The following MARCHF1 variants were observed in gnomAD, a reference collection of about 807,000 sequenced individuals.
MARCHF1 encodes the protein membrane associated ring-CH-type finger 1.
A neutral mutation model predicts 54.2 loss-of-function variants in MARCHF1; 40 were observed. The observed-to-expected ratio is 0.74, with a 90% CI of 0.57 to 0.96. The LOEUF is 0.96. Among genes scored for constraint, MARCHF1 ranks in the 40% least tolerant of loss-of-function variants. The pLI, the probability that MARCHF1 is intolerant of heterozygous loss-of-function variation, is 0.00. For missense variants in MARCHF1, 586 were observed against 656.5 expected, an observed-to-expected ratio of 0.89 and a Z score of 1.17; for synonymous variants, 236 against 236.3, an observed-to-expected ratio of 1.00 and a Z score of 0.01.
chr4:164,197,826 C>G, intron 1 of MARCHF1: 1 of 1,507,920 alleles, frequency 6.6e-7, no homozygotes, highest in Non-Finnish European at 8.8e-7. Flanking sequence ...CCGCTCGGTT[C>G]TCGAGCCCCA....
chr4:163,821,443 T>A (rs1274760591), intron 4 of MARCHF1, among the ~76,000 whole-genome samples: 1 of 151,972 alleles, frequency 6.6e-6, no homozygotes, highest in Admixed American at 6.6e-5. Context: ...CAGTAAATAT[T>A]TGTAAAACAT....
At chr4:163,592,487 G>T (rs1740623363) in intron 7 of MARCHF1, among the ~76,000 whole-genome samples, 1 of 151,514 alleles carries the variant, frequency 6.6e-6, no homozygotes, top group Non-Finnish European at 1.5e-5. Flanking sequence ...TCCTGGAGCT[G>T]ATCCAAGAGT....
At chr4:163,968,307 A>G (rs1365409997) in intron 3 of MARCHF1, among the ~76,000 whole-genome samples, 1 of 152,176 alleles carries the variant, frequency 6.6e-6, no homozygotes, top group African/African-American at 2.4e-5. Context: ...AACTCACTTA[A>G]AGACACTCAT....
At chr4:163,744,580 T>C (rs894296471) in intron 4 of MARCHF1, among the ~76,000 whole-genome samples, 6 of 152,230 alleles carry the variant, frequency 3.9e-5, no homozygotes, top group Non-Finnish European at 7.3e-5. Flanking sequence ...CAAATAAATA[T>C]AAGTGTCCAG....
chr4:163,700,848 C>G lies in MARCHF1; in HGVS notation c.127G>C (p.Gly43Arg). 1 of 1,536,142 alleles carries G rather than the reference C, an allele frequency of 6.5e-7. No individual in the cohort carries two copies. Among genetic ancestry groups the G allele is most frequent in the Admixed American group, 2.0e-5 (1 of 50,970 alleles). The change falls in exon 5 of 10, where the codon GGG (glycine) becomes CGG (arginine). Residue 43 changes from glycine (G) to arginine (R), a missense_variant. Physicochemically the swap from Gly to Arg is moderately radical, Grantham distance 125. This residue lies in a region of MARCHF1 where 387 missense variants were observed against 394.6 expected (regional missense o/e 0.98). Coordinates refer to ENST00000514618, the MANE Select transcript of MARCHF1 (RefSeq NM_001394959.1). ...QTSTLNEKSP[G>R]RSASRSSNIS... ...TTACTTGATCGACTTGCAGATCGCC[C>G]TGGGGATTTTTCATTCTGAAAAATA...
chr4:163,585,126 G>A (rs1404341179), intron 8 of MARCHF1: 1 of 151,872 alleles, frequency 6.6e-6, no homozygotes, highest in Non-Finnish European at 1.5e-5. Context: ...ACATAAATGA[G>A]GAATTTGAAG....
chr4:163,535,538 C>T (rs957248262), intron 9 of MARCHF1, among the ~76,000 whole-genome samples: 27 of 152,046 alleles, frequency 1.8e-4, no homozygotes, highest in Non-Finnish European at 2.9e-4. Flanking sequence ...GCAAAGTCTT[C>T]ATAAGTGATT....
chr4:164,262,238 A>G (rs1242932350), intron 1 of MARCHF1, among the ~76,000 whole-genome samples: 4 of 152,152 alleles, frequency 2.6e-5, no homozygotes, highest in Non-Finnish European at 5.9e-5. Flanking sequence ...TATTTAATGC[A>G]TGACTATGTG....
intron 1 of MARCHF1, among the ~76,000 whole-genome samples, chr4:164,374,910 A>G (rs1388978533): frequency 2.0e-5 from 3 of 152,214 alleles, no homozygotes; most frequent in Non-Finnish European, 4.4e-5. Flanking sequence ...AGAGCTGGCA[A>G]GAACTTATTG....
rs74607783 is a variant in MARCHF1, at chr4:163,915,130, T to C, written c.-38-60961A>G. Among the ~76,000 whole-genome samples, 508 of 152,234 alleles carry C rather than the reference T, an allele frequency of 3.3e-3. 5 individuals carry two copies. The highest frequency in any genetic ancestry group is 0.011 in the African/African-American group (470 of 41,560). On this transcript the variant is annotated intron_variant, in intron 3 of 9. Coordinates refer to ENST00000514618, the MANE Select transcript of MARCHF1 (RefSeq NM_001394959.1). ...TTTTAAAAACCACCTCTTGCTCTTA[T>C]GTAAAGATTTGAATGTGAGAAAGCA...
intron 5 of MARCHF1, among the ~76,000 whole-genome samples, chr4:163,678,099 C>G (rs1166404828): frequency 6.6e-6 from 1 of 152,212 alleles, no homozygotes; most frequent in Non-Finnish European, 1.5e-5. Context: ...ACAGAATTAT[C>G]AGTGCAACTA....
At chr4:163,701,331 T>A (rs1230171186) in intron 4 of MARCHF1, among the ~76,000 whole-genome samples, 1 of 152,188 alleles carries the variant, frequency 6.6e-6, no homozygotes, top group Non-Finnish European at 1.5e-5. Flanking sequence ...TTATTTTTTG[T>A]TATTTTACAT....
chr4:164,309,890 C>A (rs1043905565), intron 1 of MARCHF1, among the ~76,000 whole-genome samples: 8 of 151,748 alleles, frequency 5.3e-5, no homozygotes, highest in South Asian at 4.2e-4. Context: ...ATTACATGTT[C>A]TTTTTCTGAT....
At chr4:163,570,031 G>A (rs6838623) in intron 8 of MARCHF1, among the ~76,000 whole-genome samples, 11,996 of 152,030 alleles carry the variant, frequency 0.079, 750 homozygotes, top group East Asian at 0.18. Flanking sequence ...TGTCTCAATC[G>A]TGCTTACTTT....
rs187500074 is a variant in MARCHF1, at chr4:163,565,778, T to C, written c.1191+19971A>G. ...TAAGAAAAATCTTACCCCGATTCTG[T>C]TGATTTCCCCAGCAGTCTCCACAAA... On this transcript the variant is annotated intron_variant, in intron 8 of 9. Coordinates refer to ENST00000514618, the MANE Select transcript of MARCHF1 (RefSeq NM_001394959.1). Among the ~76,000 whole-genome samples, 777 of 152,316 alleles carry C rather than the reference T, an allele frequency of 5.1e-3. 7 individuals carry two copies. Among genetic ancestry groups the C allele is most frequent in the African/African-American group, 0.016 (652 of 41,560 alleles).
At chr4:164,329,336 G>C (rs1390348266) in intron 1 of MARCHF1, among the ~76,000 whole-genome samples, 1 of 151,730 alleles carries the variant, frequency 6.6e-6, no homozygotes, top group Non-Finnish European at 1.5e-5. Flanking sequence ...CAAGAAAGTA[G>C]TCAATGTGCT....
intron 7 of MARCHF1, among the ~76,000 whole-genome samples, chr4:163,608,433 C>T (rs1259411012): frequency 2.6e-5 from 4 of 151,966 alleles, no homozygotes; most frequent in Non-Finnish European, 2.9e-5. Flanking sequence ...TCTGATAGAG[C>T]GATCAACAGG....
chr4:163,835,553 C>T (rs754287236), intron 4 of MARCHF1, among the ~76,000 whole-genome samples: 3 of 152,328 alleles, frequency 2.0e-5, no homozygotes, highest in South Asian at 2.1e-4. Context: ...TATAACCAAT[C>T]CAGCTGTTTC....
At chr4:164,143,244 C>G (rs1372420471) in intron 1 of MARCHF1, among the ~76,000 whole-genome samples, 1 of 151,770 alleles carries the variant, frequency 6.6e-6, no homozygotes, top group Admixed American at 6.6e-5. Flanking sequence ...TTGGAAAACA[C>G]TCTGCAGGAT....
Sources: gnomAD v4.1 joint callset for allele counts (sites outside exome capture counted in the v4.1 genomes callset) on GRCh38, gnomAD v4.1.1 for gene constraint, gnomAD v4.1.1 regional missense constraint, MANE v1.5 for transcripts, NCBI Gene and HGNC (gene_info 2026-07-23, HGNC 2026-07-21) for gene names.